Variants in WWOX observed in about 807,000 individuals in gnomAD.
WWOX encodes the protein WW domain-containing oxidoreductase.
Under a neutral mutation model 46.2 loss-of-function variants are expected in WWOX, and 69 were observed. That is an observed-to-expected ratio of 1.49 (90% CI 1.23 to 1.82). The LOEUF (loss-of-function observed/expected upper bound fraction) is 1.82. WWOX is among the 40% of genes most tolerant of loss of function. WWOX has a pLI of 0.00. For synonymous variants in WWOX, 359 were observed against 202.6 expected (o/e 1.77, Z -6.56); for missense variants, 919 against 542.6 (o/e 1.69, Z -6.89).
At position 78,140,300 on chromosome 16, in the gene WWOX, G is replaced by C. The variant is rs138136653; in HGVS notation, c.410-23883G>C. On this transcript the variant is annotated intron_variant, in intron 4 of 8. Transcript: ENST00000566780. ...CACAGTGTATCCTTAAAGTTAAAAG[G>C]CTCTCTGATGGGACTATAAATGAGT... is the stretch of plus-strand genomic sequence containing the variant. 6.2e-3 allele frequency among the ~76,000 whole-genome samples: 939 copies of C among 152,216 alleles called. 33 individuals carry two copies. The highest frequency in any genetic ancestry group is 0.054 in the Admixed American group (826 of 15,290).
chr16:78,417,872 A>G (rs990263063), intron 6 of WWOX, among the ~76,000 whole-genome samples: 1 of 152,206 alleles, frequency 6.6e-6, no homozygotes, highest in Non-Finnish European at 1.5e-5. Flanking sequence ...ACTGACCCCA[A>G]CCACACCATG....
At chr16:78,768,868 G>C (rs1387649402) in intron 8 of WWOX, among the ~76,000 whole-genome samples, 5 of 152,124 alleles carry the variant, frequency 3.3e-5, no homozygotes, top group Non-Finnish European at 5.9e-5. Flanking sequence ...AGGAGAGCAT[G>C]ACCCGCCAAT....
At chr16:78,225,095 T>C (rs2037007816) in intron 5 of WWOX, among the ~76,000 whole-genome samples, 1 of 152,214 alleles carries the variant, frequency 6.6e-6, no homozygotes, top group South Asian at 2.1e-4. Flanking sequence ...AATTCTGTCA[T>C]TGCATGAAGA....
chr16:78,323,759 C>G (rs1010243158), intron 5 of WWOX, among the ~76,000 whole-genome samples: 2 of 152,180 alleles, frequency 1.3e-5, no homozygotes, highest in Non-Finnish European at 2.9e-5. Context: ...ATTGCATGTT[C>G]CTGGCTCCTG....
At chr16:78,852,729 A>G (rs2052477365) in intron 8 of WWOX, among the ~76,000 whole-genome samples, 1 of 152,186 alleles carries the variant, frequency 6.6e-6, no homozygotes, top group South Asian at 2.1e-4. Flanking sequence ...TGCGCTGCCT[A>G]CAGGATAAAT....
intron 8 of WWOX, among the ~76,000 whole-genome samples, chr16:79,026,107 G>T (rs1342027572): frequency 6.6e-6 from 1 of 151,390 alleles, no homozygotes; most frequent in Non-Finnish European, 1.5e-5. Context: ...AGCCCCTGTT[G>T]CCCTTTTCAA....
intron 8 of WWOX, among the ~76,000 whole-genome samples, chr16:78,605,899 A>C (rs565786480): frequency 4.9e-4 from 74 of 152,280 alleles, no homozygotes; most frequent in African/African-American, 1.6e-3. Flanking sequence ...TGCAAGTTCA[A>C]ATACCTCTTG....
At chr16:79,145,005 T>A (rs1409323852) in intron 8 of WWOX, among the ~76,000 whole-genome samples, 2 of 152,136 alleles carry the variant, frequency 1.3e-5, no homozygotes, top group Non-Finnish European at 2.9e-5. Flanking sequence ...TTGGAGTATA[T>A]CCCCTGTGCA....
chr16:79,168,360 A>G (rs769758341), intron 8 of WWOX, among the ~76,000 whole-genome samples: 1 of 152,162 alleles, frequency 6.6e-6, no homozygotes, highest in East Asian at 1.9e-4. Flanking sequence ...TGCTTTTAAT[A>G]CTTCTGGATG....
intron 8 of WWOX, among the ~76,000 whole-genome samples, chr16:79,131,177 T>G (rs1263539215): frequency 6.6e-6 from 1 of 152,146 alleles, no homozygotes; most frequent in Non-Finnish European, 1.5e-5. Flanking sequence ...CTCCTCTGCA[T>G]GTAACAAGCA....
chr16:78,985,037 G>C (rs2046757416), intron 8 of WWOX, among the ~76,000 whole-genome samples: 1 of 152,038 alleles, frequency 6.6e-6, no homozygotes, highest in Non-Finnish European at 1.5e-5. Flanking sequence ...TGAGTCCCTT[G>C]CCCCCTCCAC....
At chr16:78,643,604 C>A (rs925485349) in intron 8 of WWOX, among the ~76,000 whole-genome samples, 2 of 152,144 alleles carry the variant, frequency 1.3e-5, no homozygotes, top group Non-Finnish European at 1.5e-5. Flanking sequence ...ATCAGCCACG[C>A]GCTGAATCTG....
intron 8 of WWOX, among the ~76,000 whole-genome samples, chr16:78,785,488 C>A (rs1201021236): frequency 1.3e-5 from 2 of 152,172 alleles, no homozygotes; most frequent in Non-Finnish European, 2.9e-5. Flanking sequence ...CATTGTGCAC[C>A]TATACATGTA....
rs760272326 is a variant in WWOX at position 78,934,508 on chromosome 16, C to CAA, written c.1057-277078_1057-277077dup. On this transcript the variant is annotated intron_variant, in intron 8 of 8. Transcript: ENST00000566780. ...TGGGCAACAGTGCGAAACCCTGTATCAAAAAAAAAAAAAAAAAAAAAAAGA... is the reference window on the plus strand; with the variant it reads ...TGGGCAACAGTGCGAAACCCTGTATCAAAAAAAAAAAAAAAAAAAAAAAAAGA... Among the ~76,000 whole-genome samples, 642 of 73,842 alleles carry CAA rather than the reference C, an allele frequency of 8.7e-3. 12 individuals carry two copies. Among genetic ancestry groups the CAA allele is most frequent in the African/African-American group, 0.022 (434 of 19,650 alleles). 48.4% of individuals were successfully genotyped at this position (73,842 alleles called of 152,430 possible).
intron 8 of WWOX, among the ~76,000 whole-genome samples, chr16:79,119,259 C>G (rs2049579588): frequency 6.6e-6 from 1 of 151,726 alleles, no homozygotes; most frequent in South Asian, 2.1e-4. Context: ...TTGAAAGAAG[C>G]AAATTTGGAG....
At chr16:78,644,194 C>T (rs1333081133) in intron 8 of WWOX, among the ~76,000 whole-genome samples, 2 of 152,026 alleles carry the variant, frequency 1.3e-5, no homozygotes, top group Non-Finnish European at 2.9e-5. Context: ...TGCACTCCAG[C>T]CTGGGCAACG....
chr16:78,884,834 A>G (rs1047205182), intron 8 of WWOX, among the ~76,000 whole-genome samples: 4 of 152,246 alleles, frequency 2.6e-5, no homozygotes, highest in Non-Finnish European at 5.9e-5. Context: ...TTCATGGACA[A>G]ATACAAAATC....
At chr16:79,137,689 G>C (rs376899672) in intron 8 of WWOX, among the ~76,000 whole-genome samples, 1 of 151,952 alleles carries the variant, frequency 6.6e-6, no homozygotes, top group Non-Finnish European at 1.5e-5. Flanking sequence ...TCCCTCCTCC[G>C]TCTCCTTCCC....
intron 8 of WWOX, among the ~76,000 whole-genome samples, chr16:78,602,406 A>G (rs1217120700): frequency 6.6e-6 from 1 of 152,000 alleles, no homozygotes; most frequent in Non-Finnish European, 1.5e-5. Context: ...CTAATTTTTT[A>G]TATTTTTAGT....
Sources: allele counts gnomAD v4.1 joint callset (sites outside exome capture counted in the v4.1 genomes callset), GRCh38; gene constraint gnomAD v4.1.1; transcripts MANE v1.5; gene names NCBI Gene and HGNC (gene_info 2026-07-23, HGNC 2026-07-21).